MYO3B: variants seen among roughly 807,000 people sequenced by gnomAD.
MYO3B encodes myosin-IIIb.
A neutral mutation model predicts 174.6 loss-of-function variants in MYO3B; 156 were observed. That is an observed-to-expected ratio of 0.89 (90% CI 0.78 to 1.02). MYO3B has a LOEUF of 1.02. Among genes scored for constraint, MYO3B ranks in the 50% least tolerant of loss-of-function variants. MYO3B has a pLI of 0.00. For synonymous variants in MYO3B, 563 were observed against 569.1 expected, an observed-to-expected ratio of 0.99 and a Z score of 0.15; for missense variants, 1,632 against 1,639.4, an observed-to-expected ratio of 1.00 and a Z score of 0.08.
intron 8 of MYO3B, among the ~76,000 whole-genome samples, chr2:170,367,450 C>G (rs1449639738): frequency 6.6e-6 from 1 of 152,182 alleles, no homozygotes; most frequent in African/African-American, 2.4e-5. Context: ...CCCATCCTAC[C>G]CGTTCCCTCT....
At chr2:170,503,917 G>A (rs1031237182) in intron 28 of MYO3B, among the ~76,000 whole-genome samples, 10 of 152,150 alleles carry the variant, frequency 6.6e-5, no homozygotes, top group Non-Finnish European at 1.3e-4. Context: ...GCATGAATAG[G>A]GTAGCAATCT....
intron 32 of MYO3B, among the ~76,000 whole-genome samples, chr2:170,628,486 T>C (rs1696658323): frequency 6.6e-6 from 1 of 152,208 alleles, no homozygotes; most frequent in Admixed American, 6.5e-5. Flanking sequence ...CCTGACCCCT[T>C]GTGCTTCCTG....
chr2:170,398,284 A>G (rs944135552), intron 16 of MYO3B, among the ~76,000 whole-genome samples: 3 of 151,964 alleles, frequency 2.0e-5, no homozygotes, highest in Non-Finnish European at 4.4e-5. Flanking sequence ...AATGGAAAAA[A>G]TGCATATGGC....
Position 170,581,953 on chromosome 2 carries a change from A to G in MYO3B, c.3733+37965A>G, listed in dbSNP as rs117104493. ...TGTGTGTCATTATTAACAGGTAAAAACACCCCCAAAAGTTGAGGATCACCT... is the reference window on the plus strand; with the variant it reads ...TGTGTGTCATTATTAACAGGTAAAAGCACCCCCAAAAGTTGAGGATCACCT... On this transcript the variant is annotated intron_variant, in intron 32 of 34. Coordinates refer to ENST00000408978, the MANE Select transcript of MYO3B (RefSeq NM_138995.5). Among the ~76,000 whole-genome samples the G allele has an allele frequency of 1.8e-3, 273 of 152,340 alleles. 5 individuals are homozygous for G. The East Asian group carries it at 0.042, about 23-fold the overall frequency.
intron 30 of MYO3B, among the ~76,000 whole-genome samples, chr2:170,538,704 G>T (rs146744231): frequency 2.6e-4 from 39 of 152,160 alleles, no homozygotes; most frequent in Non-Finnish European, 4.6e-4. Context: ...GAGAGTTTCC[G>T]TCTCCCCTAG....
intron 6 of MYO3B, among the ~76,000 whole-genome samples, chr2:170,221,899 A>C (rs191933868): frequency 1.3e-5 from 2 of 152,300 alleles, no homozygotes; most frequent in East Asian, 3.9e-4. Context: ...TAAACTAAAC[A>C]CACTGTATGT....
intron 7 of MYO3B, among the ~76,000 whole-genome samples, chr2:170,284,158 G>A (rs1287698881): frequency 6.6e-6 from 1 of 152,182 alleles, no homozygotes; most frequent in Admixed American, 6.5e-5. Context: ...GGAAGAAACT[G>A]AAAGAGAGGT....
intron 16 of MYO3B, among the ~76,000 whole-genome samples, 160 bp from the exon 17 acceptor site, chr2:170,400,028 G>C (rs192195235): frequency 6.6e-6 from 1 of 152,068 alleles, no homozygotes; most frequent in East Asian, 1.9e-4. Context: ...GTTATATGAC[G>C]ACCTCTAACT....
chr2:170,475,859 C>A (rs956871059), intron 25 of MYO3B, among the ~76,000 whole-genome samples: 1 of 152,206 alleles, frequency 6.6e-6, no homozygotes, highest in Admixed American at 6.5e-5. Flanking sequence ...TTCTGCTTAA[C>A]CCCAGTTCCA....
At position 170,402,964 on chromosome 2, in the gene MYO3B, A is replaced by G. The variant is rs1386311599; in HGVS notation, c.2246A>G (p.Tyr749Cys). The G allele has an allele frequency of 2.5e-6, 4 of 1,605,096 alleles. No individual in the cohort carries two copies. The African/African-American group carries it at 5.3e-5, about 21-fold the overall frequency. ...ATCGCCAATGAGCAAATCCAGTACT[A>G]TTTCAATCAGCATGTTTTTGCTCTT... Reference protein sequence around the residue: ...INIANEQIQYYFNQHVFALEQ... With the variant: ...INIANEQIQYCFNQHVFALEQ... The change falls in exon 19 of 35, where the codon TAT becomes TGT. Residue 749 changes from tyrosine (Y) to cysteine (C), a missense_variant. Physicochemically the swap from Tyr to Cys is radical, Grantham distance 194. Coordinates refer to ENST00000408978, the MANE Select transcript of MYO3B (RefSeq NM_138995.5).
At chr2:170,329,396 A>C (rs1345865116) in intron 7 of MYO3B, among the ~76,000 whole-genome samples, 1 of 142,730 alleles carries the variant, frequency 7.0e-6, no homozygotes, top group Non-Finnish European at 1.5e-5. Flanking sequence ...ACATTCCACT[A>C]TTGGGGATTT....
chr2:170,375,550 C>T (rs1036171533), intron 9 of MYO3B, among the ~76,000 whole-genome samples: 7 of 151,186 alleles, frequency 4.6e-5, no homozygotes, highest in African/African-American at 1.2e-4. Context: ...GTTGTCATGT[C>T]GCCCTTGCAA....
At chr2:170,356,431 C>T (rs941625201) in intron 8 of MYO3B, among the ~76,000 whole-genome samples, 1 of 152,138 alleles carries the variant, frequency 6.6e-6, no homozygotes, top group Non-Finnish European at 1.5e-5. Flanking sequence ...GGCATGATCT[C>T]GGCTCCCTGT....
chr2:170,290,872 CA>C (rs145187454), intron 7 of MYO3B, among the ~76,000 whole-genome samples: 46,080 of 133,308 alleles, frequency 0.35, 6,985 homozygotes, highest in South Asian at 0.46. Context: ...ATGAGGCTTA[CA>C]AAAAAAAAAA....
At chr2:170,641,194 G>A (rs2105442259) in intron 32 of MYO3B, 1 of 152,302 alleles carries the variant, frequency 6.6e-6, no homozygotes, top group Non-Finnish European at 1.5e-5. Flanking sequence ...AATAAACTGG[G>A]AGGGTAGGGA....
intron 32 of MYO3B, among the ~76,000 whole-genome samples, chr2:170,639,126 A>G (rs1697760813): frequency 6.6e-6 from 1 of 152,236 alleles, no homozygotes; most frequent in Non-Finnish European, 1.5e-5. Context: ...AGCACTTAAA[A>G]TGTCGTTCCA....
intron 32 of MYO3B, among the ~76,000 whole-genome samples, chr2:170,565,987 C>T (rs1211135021): frequency 6.6e-6 from 1 of 152,134 alleles, no homozygotes; most frequent in African/African-American, 2.4e-5. Flanking sequence ...AATGCTTTTC[C>T]CATAACACAC....
chr2:170,497,542 C>T (rs12467958), intron 25 of MYO3B, among the ~76,000 whole-genome samples: 25,216 of 151,850 alleles, frequency 0.17, 2,603 homozygotes, highest in Non-Finnish European at 0.24. Context: ...GGCGCAAACC[C>T]GGGAGGCAGA....
intron 32 of MYO3B, among the ~76,000 whole-genome samples, chr2:170,651,184 C>T (rs528246264): frequency 2.6e-5 from 4 of 152,178 alleles, no homozygotes; most frequent in Non-Finnish European, 4.4e-5. Flanking sequence ...ATGTATCCCA[C>T]CAAAAGGTTT....
Sources: gnomAD v4.1 joint callset for allele counts (sites outside exome capture counted in the v4.1 genomes callset) on GRCh38, gnomAD v4.1.1 for gene constraint, MANE v1.5 for transcripts, NCBI Gene and HGNC (gene_info 2026-07-23, HGNC 2026-07-21) for gene names.